The following RFX4 variants were observed in gnomAD, a reference collection of about 807,000 sequenced individuals.
RFX4 encodes the protein regulatory factor X4, also known as transcription factor RFX4.
RFX4 carries 10 observed loss-of-function variants against 95.0 expected under a neutral mutation model. The observed-to-expected ratio is 0.11, with a 90% CI of 0.06 to 0.18. RFX4 has a LOEUF of 0.18. Ranked by LOEUF, RFX4 falls within the 10% of genes least tolerant of loss-of-function variation. The pLI, the probability that RFX4 is intolerant of heterozygous loss-of-function variation, is 1.00. For missense variants in RFX4, 640 were observed against 922.0 expected (o/e 0.69, Z 3.96); for synonymous variants, 321 against 340.7 (o/e 0.94, Z 0.64).
chr12:106,761,059 A>G, intron 17 of RFX4, 138 bp from the exon 18 acceptor site: 1 of 942,412 alleles, frequency 1.1e-6, no homozygotes, highest in South Asian at 1.6e-5. Context: ...GTCTTGTAGA[A>G]GTTCAGTGAT....
rs562528357 is a variant in RFX4 at position 106,679,315 on chromosome 12, C to T, written c.316-2678C>T. 3.3e-5 allele frequency among the ~76,000 whole-genome samples: 5 copies of T among 152,204 alleles called. No individual in the cohort carries two copies. The East Asian group carries it at 5.8e-4, about 18-fold the overall frequency. On this transcript the variant is annotated intron_variant, in intron 4 of 17. Coordinates refer to ENST00000392842, the MANE Select transcript of RFX4 (RefSeq NM_213594.3). ...TCTACTAAAAATACAATTAGCCAGT[C>T]GTGTTGGTGTGCACCTGTAGTCCCA... is the stretch of plus-strand genomic sequence containing the variant.
intron 4 of RFX4, among the ~76,000 whole-genome samples, chr12:106,663,799 A>T (rs760448319): frequency 6.6e-6 from 1 of 151,654 alleles, no homozygotes; most frequent in Non-Finnish European, 1.5e-5. Flanking sequence ...CAATTTGCCA[A>T]ATACTTTTTG....
At chr12:106,659,933 T>C (rs1259344824) in intron 4 of RFX4, among the ~76,000 whole-genome samples, 1 of 152,178 alleles carries the variant, frequency 6.6e-6, no homozygotes, top group Non-Finnish European at 1.5e-5. Context: ...TCTGGTGATC[T>C]CCTAGGTGAT....
chr12:106,722,034 A>C (rs2137533048), intron 13 of RFX4, among the ~76,000 whole-genome samples: 1 of 152,320 alleles, frequency 6.6e-6, no homozygotes, highest in East Asian at 1.9e-4. Flanking sequence ...TGCCTGCACC[A>C]TGGCTACAGA....
chr12:106,661,814 G>A (rs1024290013), intron 4 of RFX4, among the ~76,000 whole-genome samples: 1 of 152,148 alleles, frequency 6.6e-6, no homozygotes, highest in African/African-American at 2.4e-5. Context: ...GAATCGTACA[G>A]TATGTAGCCT....
chr12:106,610,944 G>A (rs1392287710), intron 2 of RFX4, among the ~76,000 whole-genome samples: 7 of 151,898 alleles, frequency 4.6e-5, no homozygotes, highest in Admixed American at 3.3e-4. Flanking sequence ...CAAGGCACAA[G>A]AGTTCCAATT....
chr12:106,719,872 C>CA (rs2042363625), intron 11 of RFX4, 88 bp from the exon 12 acceptor site: 1 of 1,036,704 alleles, frequency 9.6e-7, no homozygotes, highest in Non-Finnish European at 1.5e-6. Flanking sequence ...TTACTTTATT[C>CA]AAAGTTTTGT....
Position 106,618,179 on chromosome 12 carries a change from T to TTATAGATTATATACATATGTA in RFX4, c.130+9314_130+9334dup, listed in dbSNP as rs764506002. ...ATAACAGTTATGTGATTAACATACGTTATAGATTATATACATATGTATATA... is the reference window on the plus strand; with the variant it reads ...ATAACAGTTATGTGATTAACATACGTTATAGATTATATACATATGTATATAGATTATATACATATGTATATA... On this transcript the variant is annotated intron_variant, in intron 2 of 17. Coordinates refer to ENST00000392842, the MANE Select transcript of RFX4 (RefSeq NM_213594.3). Among the ~76,000 whole-genome samples the TTATAGATTATATACATATGTA allele has an allele frequency of 1.0e-3, 154 of 152,276 alleles. 3 individuals are homozygous for TTATAGATTATATACATATGTA. In the East Asian group the frequency reaches 0.011, roughly 11 times the overall value.
At chr12:106,733,252 C>T (rs2042647427) in intron 15 of RFX4, 167 bp downstream of exon 15, 2 of 671,808 alleles carry the variant, frequency 3.0e-6, no homozygotes, top group Non-Finnish European at 5.1e-6. Context: ...GGGAGAATTG[C>T]TTGAGCCCAG....
At chr12:106,733,789 A>G (rs1472945671) in intron 15 of RFX4, among the ~76,000 whole-genome samples, 1 of 152,212 alleles carries the variant, frequency 6.6e-6, no homozygotes, top group Admixed American at 6.5e-5. Context: ...CAGGAGTCTC[A>G]TAAGATTAAT....
At chr12:106,711,544 G>T (rs1198907851) in intron 10 of RFX4, 33 bp downstream of exon 10, 1 of 1,597,680 alleles carries the variant, frequency 6.3e-7, no homozygotes, top group Non-Finnish European at 8.6e-7. Context: ...TTTAATCACT[G>T]CTGAGTCATT....
At chr12:106,636,664 A>G (rs1242328111) in intron 2 of RFX4, among the ~76,000 whole-genome samples, 1 of 152,248 alleles carries the variant, frequency 6.6e-6, no homozygotes, top group Non-Finnish European at 1.5e-5. Flanking sequence ...CGTTCCTGAG[A>G]ACATTTAGCA....
intron 15 of RFX4, among the ~76,000 whole-genome samples, chr12:106,747,040 T>G (rs1190924561): frequency 1.3e-5 from 2 of 152,178 alleles, no homozygotes; most frequent in Non-Finnish European, 2.9e-5. Context: ...CTAATCACAT[T>G]CACTAATGGG....
intron 6 of RFX4, among the ~76,000 whole-genome samples, chr12:106,688,256 G>C (rs2137425171): frequency 6.6e-6 from 1 of 152,098 alleles, no homozygotes; most frequent in Middle Eastern, 3.4e-3. Context: ...TTTTAGTAGA[G>C]ACGGGGTTTC....
At chr12:106,749,164 G>A (rs903483545) in intron 16 of RFX4, among the ~76,000 whole-genome samples, 15 of 151,358 alleles carry the variant, frequency 9.9e-5, no homozygotes, top group Middle Eastern at 3.4e-3. Flanking sequence ...ACTGAGGCAG[G>A]AGAATTGCAT....
At position 106,588,758 on chromosome 12, in the gene RFX4, T is replaced by A. The variant is rs150600123; in HGVS notation, c.43+5395T>A. Among the ~76,000 whole-genome samples the A allele has an allele frequency of 1.7e-4, 26 of 152,320 alleles. No individual in the cohort carries two copies. The East Asian group carries it at 5.0e-3, about 29-fold the overall frequency. On this transcript the variant is annotated intron_variant, in intron 1 of 17. Coordinates refer to ENST00000392842, the MANE Select transcript of RFX4 (RefSeq NM_213594.3). ...CCGCGTTTGTGTTCTGACATCTATG[T>A]CAAATCTTCTGGGTACTTTGTTTAT...
intron 1 of RFX4, among the ~76,000 whole-genome samples, chr12:106,588,524 G>A (rs1027893995): frequency 2.0e-5 from 3 of 152,148 alleles, no homozygotes; most frequent in African/African-American, 4.8e-5. Flanking sequence ...CTCTTCTCAC[G>A]CCTAGGCATC....
intron 3 of RFX4, among the ~76,000 whole-genome samples, chr12:106,644,209 G>T (rs2040694144): frequency 6.7e-6 from 1 of 148,780 alleles, no homozygotes; most frequent in South Asian, 2.1e-4. Context: ...GACAATGGCA[G>T]AATTAATGTT....
chr12:106,665,318 G>T (rs527672801), intron 4 of RFX4, among the ~76,000 whole-genome samples: 47 of 151,758 alleles, frequency 3.1e-4, no homozygotes, highest in African/African-American at 1.1e-3. Context: ...TGTTTCTTTT[G>T]ATTAGTATTA....
Sources: allele counts gnomAD v4.1 joint callset (sites outside exome capture counted in the v4.1 genomes callset), GRCh38; gene constraint gnomAD v4.1.1; transcripts MANE v1.5; gene names NCBI Gene and HGNC (gene_info 2026-07-23, HGNC 2026-07-21).